Variants in CD2AP observed in about 807,000 individuals in gnomAD.
CD2AP encodes CD2 associated protein.
A neutral mutation model predicts 85.1 loss-of-function variants in CD2AP; 46 were observed. That is an observed-to-expected ratio of 0.54 (90% confidence interval 0.43 to 0.69). CD2AP has a LOEUF of 0.69. Among genes scored for constraint, CD2AP ranks in the 30% least tolerant of loss-of-function variants. The probability of loss-of-function intolerance (pLI) is 0.00; values close to 1 mark genes in which losing one functional copy is unlikely to be tolerated. For missense variants in CD2AP, 769 were observed against 729.5 expected (o/e 1.05, Z -0.62); for synonymous variants, 255 against 252.9 (o/e 1.01, Z -0.08).
chr6:47,518,798 TC>T (rs1766514066), intron 2 of CD2AP, among the ~76,000 whole-genome samples: 1 of 152,216 alleles, frequency 6.6e-6, no homozygotes, highest in Non-Finnish European at 1.5e-5. Context: ...CAACCACATG[TC>T]CCTTTTTGCA....
intron 1 of CD2AP, among the ~76,000 whole-genome samples, chr6:47,491,834 T>C (rs1036335488): frequency 5.3e-5 from 8 of 152,110 alleles, no homozygotes; most frequent in Non-Finnish European, 7.4e-5. Flanking sequence ...AAAAAAGTTA[T>C]TAACAACTAG....
chr6:47,539,913 T>G (rs1006134231), intron 3 of CD2AP, among the ~76,000 whole-genome samples: 6 of 151,974 alleles, frequency 3.9e-5, no homozygotes, highest in Admixed American at 3.9e-4. Context: ...GTGTGGTGGC[T>G]CACACCTGTA....
At chr6:47,523,837 A>C (rs1334059455) in intron 2 of CD2AP, among the ~76,000 whole-genome samples, 1 of 152,194 alleles carries the variant, frequency 6.6e-6, no homozygotes, top group Non-Finnish European at 1.5e-5. Context: ...AGGTACACCA[A>C]ATCTTTTATT....
At chr6:47,549,666 C>T (rs1767460207) in intron 4 of CD2AP, among the ~76,000 whole-genome samples, 1 of 151,946 alleles carries the variant, frequency 6.6e-6, no homozygotes. Context: ...CAACAGAATT[C>T]CTATACATAC....
chr6:47,584,409 G>T (rs1188135927), intron 11 of CD2AP, among the ~76,000 whole-genome samples: 3 of 137,436 alleles, frequency 2.2e-5, no homozygotes, highest in Non-Finnish European at 4.7e-5. Context: ...TAAGGTCATT[G>T]TCTAGATTCA....
chr6:47,600,256 A>G (rs764827249), intron 13 of CD2AP, among the ~76,000 whole-genome samples: 1 of 151,960 alleles, frequency 6.6e-6, no homozygotes, highest in Non-Finnish European at 1.5e-5. Flanking sequence ...TATCACATAA[A>G]TCAAAGGAGA....
chr6:47,530,093 G>C (rs1766833415), intron 2 of CD2AP, among the ~76,000 whole-genome samples: 1 of 152,190 alleles, frequency 6.6e-6, no homozygotes, highest in African/African-American at 2.4e-5. Flanking sequence ...TCTCTGAGAA[G>C]TCATCCCGAT....
chr6:47,497,546 G>T (rs1397499240), intron 1 of CD2AP, among the ~76,000 whole-genome samples: 1 of 151,906 alleles, frequency 6.6e-6, no homozygotes, highest in Admixed American at 6.6e-5. Flanking sequence ...CAGTAGTTGG[G>T]ACTGTAGGTG....
At chr6:47,488,044 T>A (rs79572678) in intron 1 of CD2AP, among the ~76,000 whole-genome samples, 1 of 150,878 alleles carries the variant, frequency 6.6e-6, no homozygotes, top group Non-Finnish European at 1.5e-5. Flanking sequence ...TTTTTTTTTT[T>A]AAGAAATAAA....
chr6:47,623,579 C>T (rs4142970), intron 17 of CD2AP, among the ~76,000 whole-genome samples: 133,016 of 152,070 alleles, frequency 0.87, 58,477 homozygotes, highest in Non-Finnish European at 0.92. Context: ...ATGAAATGAT[C>T]TCCTTCTTCA....
chr6:47,565,956 C>T (rs750949216), intron 5 of CD2AP, among the ~76,000 whole-genome samples: 2 of 152,102 alleles, frequency 1.3e-5, no homozygotes, highest in African/African-American at 2.4e-5. Context: ...ATCCCTCCCT[C>T]CACCTTTCTT....
rs76838648 is a variant in CD2AP, at chr6:47,602,576, G to A, written c.1417+3133G>A. ...GTGTAGTATTGTTTTTCTGTGATAA[G>A]ATTTTCTATGATTAAAAGGCAATTT... On this transcript the variant is annotated intron_variant, in intron 13 of 17. Coordinates refer to ENST00000359314, the MANE Select transcript of CD2AP (RefSeq NM_012120.3). Among the ~76,000 whole-genome samples, 1,201 of 152,104 alleles carry A rather than the reference G, an allele frequency of 7.9e-3. 14 individuals carry two copies. Among genetic ancestry groups the A allele is most frequent in the African/African-American group, 0.027 (1,122 of 41,526 alleles).
At chr6:47,550,779 C>T (rs1011236472) in intron 4 of CD2AP, among the ~76,000 whole-genome samples, 2 of 152,164 alleles carry the variant, frequency 1.3e-5, no homozygotes, top group African/African-American at 4.8e-5. Context: ...TGGAACCAAC[C>T]TTAATGCCCA....
At chr6:47,493,129 TA>T (rs989462607) in intron 1 of CD2AP, among the ~76,000 whole-genome samples, 5 of 152,172 alleles carry the variant, frequency 3.3e-5, no homozygotes, top group African/African-American at 1.2e-4. Flanking sequence ...CAATTAAGAA[TA>T]AAAAATGTAT....
At chr6:47,609,571 T>A (rs1769374434) in intron 16 of CD2AP, 2 of 329,054 alleles carry the variant, frequency 6.1e-6, no homozygotes, top group African/African-American at 4.5e-5. Context: ...TGGTGACACA[T>A]CCCTGTGGTC....
chr6:47,549,732 A>G (rs950515495), intron 4 of CD2AP, among the ~76,000 whole-genome samples: 3 of 152,126 alleles, frequency 2.0e-5, no homozygotes, highest in African/African-American at 7.2e-5. Flanking sequence ...TATGGAACCA[A>G]AAAGAGCCTG....
intron 5 of CD2AP, 68 bp from the exon 6 acceptor site, chr6:47,573,996 A>AT (rs1489785488): frequency 9.7e-6 from 13 of 1,333,970 alleles, no homozygotes; most frequent in Non-Finnish European, 1.4e-5. Context: ...GAATGTAGAC[A>AT]TTATGACAGG....
intron 11 of CD2AP, among the ~76,000 whole-genome samples, chr6:47,586,800 TA>T (rs1768641914): frequency 6.6e-6 from 1 of 152,192 alleles, no homozygotes; most frequent in African/African-American, 2.4e-5. Context: ...TCCCTCCATT[TA>T]AAAATCTCAC....
chr6:47,579,348 A>AAAG (rs57280259), intron 8 of CD2AP, 37 bp from the exon 9 acceptor site: 66 of 1,167,076 alleles, frequency 5.7e-5, no homozygotes, highest in South Asian at 1.6e-4. Context: ...AAAAAAAAAA[A>AAAG]GGTCTATTGT....
Sources: allele counts gnomAD v4.1 joint callset (sites outside exome capture counted in the v4.1 genomes callset), GRCh38; gene constraint gnomAD v4.1.1; transcripts MANE v1.5; gene names NCBI Gene and HGNC (gene_info 2026-07-23, HGNC 2026-07-21).